The following RPS6KC1 variants were observed in gnomAD, a reference collection of about 807,000 sequenced individuals.
The protein encoded by RPS6KC1 is ribosomal protein S6 kinase C1.
A neutral mutation model predicts 103.8 loss-of-function variants in RPS6KC1; 54 were observed. That is an observed-to-expected ratio of 0.52 (90% CI 0.42 to 0.65). The LOEUF (loss-of-function observed/expected upper bound fraction) is 0.65. Ranked by LOEUF, RPS6KC1 falls within the 30% of genes least tolerant of loss-of-function variation. The pLI is 0.00. For missense variants in RPS6KC1, 1,151 were observed against 1,253.8 expected, an observed-to-expected ratio of 0.92 and a Z score of 1.24; for synonymous variants, 439 against 438.7, an observed-to-expected ratio of 1.00 and a Z score of -0.01.
the RPS6KC1 span, among the ~76,000 whole-genome samples, chr1:213,570,026 G>A: frequency 4.5e-4 from 68 of 152,306 alleles, 1 homozygote; most frequent in African/African-American, 1.5e-3. Flanking sequence ...GGAATGCAAG[G>A]GGTAACCTGT....
At chr1:213,552,789 T>C in the RPS6KC1 span, among the ~76,000 whole-genome samples, 1 of 152,182 alleles carries the variant, frequency 6.6e-6, no homozygotes, top group African/African-American at 2.4e-5. Context: ...GTCCAGTGAA[T>C]CTTTGATCAC....
chr1:213,363,810 CTTTCT>C, the RPS6KC1 span, among the ~76,000 whole-genome samples: 727 of 43,576 alleles, frequency 0.017, 105 homozygotes, highest in Middle Eastern at 0.066. Flanking sequence ...TTCTTTCTTT[CTTTCT>C]TCTCTCTTTT....
At chr1:213,837,987 C>T in the RPS6KC1 span, among the ~76,000 whole-genome samples, 13 of 152,020 alleles carry the variant, frequency 8.6e-5, no homozygotes, top group Non-Finnish European at 1.8e-4. Context: ...TTATCTTTCA[C>T]GTTTTACTAT....
the RPS6KC1 span, among the ~76,000 whole-genome samples, chr1:213,497,543 G>A: frequency 6.6e-6 from 1 of 152,150 alleles, no homozygotes; most frequent in East Asian, 1.9e-4. Flanking sequence ...CAAGAACACT[G>A]CATATCCAAA....
At chr1:213,160,230 A>G (rs1387910571) in intron 6 of RPS6KC1, among the ~76,000 whole-genome samples, 1 of 152,174 alleles carries the variant, frequency 6.6e-6, no homozygotes, top group Non-Finnish European at 1.5e-5. Context: ...ATACAGAGAT[A>G]TTTTACCTTT....
chr1:213,383,529 A>C, the RPS6KC1 span, among the ~76,000 whole-genome samples: 7 of 152,210 alleles, frequency 4.6e-5, no homozygotes, highest in African/African-American at 9.6e-5. Context: ...CACCCACTTC[A>C]AAGAATTAAT....
the RPS6KC1 span, among the ~76,000 whole-genome samples, chr1:213,775,211 C>A: frequency 2.6e-5 from 4 of 151,960 alleles, no homozygotes; most frequent in Admixed American, 6.6e-5. Context: ...ATTGTGTATA[C>A]CATGAAACTA....
the RPS6KC1 span, among the ~76,000 whole-genome samples, chr1:213,430,967 G>C: frequency 2.0e-5 from 3 of 152,132 alleles, no homozygotes; most frequent in Non-Finnish European, 4.4e-5. Context: ...CTGAATTCGC[G>C]CTTGCCGTTG....
the RPS6KC1 span, among the ~76,000 whole-genome samples, chr1:213,589,543 G>A: frequency 6.6e-6 from 1 of 152,026 alleles, no homozygotes; most frequent in East Asian, 1.9e-4. Flanking sequence ...TCTGGAGGCT[G>A]AGGCAGGAGA....
intron 12 of RPS6KC1, among the ~76,000 whole-genome samples, chr1:213,253,175 A>G (rs1160134478): frequency 6.6e-6 from 1 of 152,180 alleles, no homozygotes; most frequent in African/African-American, 2.4e-5. Flanking sequence ...CAACAACAGA[A>G]TATATTGCCA....
the RPS6KC1 span, among the ~76,000 whole-genome samples, chr1:213,519,669 T>A: frequency 6.6e-6 from 1 of 152,162 alleles, no homozygotes. Context: ...CTCCCCTGCA[T>A]ACAGTCAGTT....
chr1:213,547,340 A>G, the RPS6KC1 span, among the ~76,000 whole-genome samples: 1 of 152,200 alleles, frequency 6.6e-6, no homozygotes, highest in Non-Finnish European at 1.5e-5. Context: ...AAATGCTTCT[A>G]CCTAGAAATG....
the RPS6KC1 span, among the ~76,000 whole-genome samples, chr1:213,299,775 A>G: frequency 1.3e-5 from 2 of 152,156 alleles, no homozygotes; most frequent in African/African-American, 4.8e-5. Context: ...TACTTACAAC[A>G]CAGCTCAATT....
chr1:213,176,186 T>C (rs2091853946), intron 7 of RPS6KC1, among the ~76,000 whole-genome samples: 1 of 152,222 alleles, frequency 6.6e-6, no homozygotes, highest in African/African-American at 2.4e-5. Context: ...ATTTATTTAC[T>C]TGCAACTTTT....
At chr1:213,408,571 T>G in the RPS6KC1 span, among the ~76,000 whole-genome samples, 1 of 152,182 alleles carries the variant, frequency 6.6e-6, no homozygotes, top group Non-Finnish European at 1.5e-5. Flanking sequence ...GGAGGAGGAA[T>G]TCTACCTCAA....
At chr1:213,308,031 G>C in the RPS6KC1 span, among the ~76,000 whole-genome samples, 1 of 152,160 alleles carries the variant, frequency 6.6e-6, no homozygotes, top group Non-Finnish European at 1.5e-5. Context: ...GAAAGAAGAG[G>C]CTGGGCATGG....
the RPS6KC1 span, among the ~76,000 whole-genome samples, chr1:213,460,288 T>C: frequency 2.6e-5 from 4 of 152,206 alleles, no homozygotes; most frequent in Admixed American, 1.3e-4. Context: ...ATATTTAGGA[T>C]AGTTAGCTCT....
the RPS6KC1 span, among the ~76,000 whole-genome samples, chr1:213,460,761 G>A: frequency 6.6e-6 from 1 of 152,104 alleles, no homozygotes; most frequent in Non-Finnish European, 1.5e-5. Context: ...CTTCCTTCAG[G>A]AGCTCTTGTA....
chr1:213,176,439 A>G lies in RPS6KC1; in HGVS notation c.991A>G (p.Arg331Gly), dbSNP rs367794519. The G allele has an allele frequency of 8.7e-6, 14 of 1,609,268 alleles. No individual in the cohort carries two copies. Among genetic ancestry groups the G allele is most frequent in the Non-Finnish European group, 1.1e-5 (13 of 1,176,594 alleles). ...SLSSRPLWNL[R>G]SPAEELKAFR... The stretch of plus-strand genomic sequence containing the variant: ...AAGTTCAAGGCCCCTTTGGAACCTA[A>G]GGAGCCCTGCCGAGGAGCTGAAGGC... Residue 331 changes from arginine (R) to glycine (G), a missense_variant, in exon 8 of 15, where the codon AGG becomes GGG. By Grantham distance (125) the Arg-to-Gly change is moderately radical (BLOSUM62 -2). Coordinates refer to ENST00000366960, the MANE Select transcript of RPS6KC1 (RefSeq NM_012424.6).
Sources: allele counts gnomAD v4.1 joint callset (sites outside exome capture counted in the v4.1 genomes callset), GRCh38; gene constraint gnomAD v4.1.1; transcripts MANE v1.5; gene names NCBI Gene and HGNC (gene_info 2026-07-23, HGNC 2026-07-21).